IQCH: variants seen among roughly 807,000 people sequenced by gnomAD.
IQCH encodes IQ motif containing H, also known as IQ domain-containing protein H.
A neutral mutation model predicts 117.0 loss-of-function variants in IQCH; 98 were observed. The ratio of observed to expected loss-of-function variants is 0.84; its 90% CI spans 0.71 to 0.99. The LOEUF (loss-of-function observed/expected upper bound fraction) is 0.99. Among genes scored for constraint, IQCH ranks in the 50% least tolerant of loss-of-function variants. The pLI, the probability that IQCH is intolerant of heterozygous loss-of-function variation, is 0.00. For missense variants in IQCH, 1,102 were observed against 1,243.8 expected (o/e 0.89, Z 1.72); for synonymous variants, 412 against 448.2 (o/e 0.92, Z 1.02).
rs1015042447 is a variant in IQCH, at chr15:67,457,123, CAGGTGGCAACA to C, written c.2506-8001_2506-7991del. On this transcript the variant is annotated intron_variant, in intron 16 of 20. Transcript: ENST00000335894. The surrounding 1 kb of genome is among the most constrained non-coding windows in gnomAD (Gnocchi z 5.7). ...ACTGGGCTATCCCAACAGCTGCCAC[CAGGTGGCAACA>C]AGCCAAGCGGCTGCTCTCCCCTCTG... 6.6e-6 allele frequency among the ~76,000 whole-genome samples: 1 copy of C among 152,208 alleles called. No individual in the cohort carries two copies. The highest frequency in any genetic ancestry group is 2.4e-5 in the African/African-American group (1 of 41,460).
At chr15:67,497,638 C>A (rs2083858235) in intron 20 of IQCH, among the ~76,000 whole-genome samples, 1 of 152,036 alleles carries the variant, frequency 6.6e-6, no homozygotes, top group Non-Finnish European at 1.5e-5. Flanking sequence ...GGATTACAAG[C>A]ACGCACCACC....
intron 4 of IQCH, among the ~76,000 whole-genome samples, chr15:67,316,272 A>T (rs1967841836): frequency 6.6e-6 from 1 of 152,206 alleles, no homozygotes. Context: ...GAGCAGTAGC[A>T]TTGTCTTCTC....
At chr15:67,423,262 A>G (rs949626687) in intron 16 of IQCH, among the ~76,000 whole-genome samples, 3 of 152,118 alleles carry the variant, frequency 2.0e-5, no homozygotes, top group Non-Finnish European at 4.4e-5. Context: ...GCCCTCCCCA[A>G]GTATTTGTTG....
chr15:67,484,913 T>C (rs1228652746), intron 18 of IQCH, among the ~76,000 whole-genome samples: 1 of 151,036 alleles, frequency 6.6e-6, no homozygotes, highest in Non-Finnish European at 1.5e-5. Flanking sequence ...TAAAAAAAGG[T>C]ATACTAAAAG....
At chr15:67,319,249 A>G (rs1967998947) in intron 4 of IQCH, among the ~76,000 whole-genome samples, 1 of 152,142 alleles carries the variant, frequency 6.6e-6, no homozygotes, top group African/African-American at 2.4e-5. Flanking sequence ...AAAGAGAGAA[A>G]GAAATCCTTA....
At chr15:67,345,837 A>G (rs1567114206) in intron 6 of IQCH, among the ~76,000 whole-genome samples, 1 of 152,198 alleles carries the variant, frequency 6.6e-6, no homozygotes, top group Non-Finnish European at 1.5e-5. Context: ...ATAATAATGT[A>G]TCAATGATGG....
chr15:67,423,906 G>A (rs192089575), intron 16 of IQCH, among the ~76,000 whole-genome samples: 2 of 151,850 alleles, frequency 1.3e-5, no homozygotes, highest in East Asian at 3.9e-4. Context: ...GAAAGAGAAA[G>A]GTAAAACTGT....
intron 1 of IQCH, among the ~76,000 whole-genome samples, chr15:67,259,603 G>A (rs1419181740): frequency 1.3e-5 from 2 of 152,118 alleles, no homozygotes; most frequent in Non-Finnish European, 2.9e-5. Context: ...CAAACCTTTG[G>A]TACAGTTTTT....
chr15:67,496,037 C>G lies in IQCH; in HGVS notation c.2970+1671C>G, dbSNP rs991186110. ...AAATAAAAATGGAAGGTGATTGAGG[C>G]TGGGCACAATGGCTCATGCCTGTAA... On this transcript the variant is annotated intron_variant, in intron 20 of 20. Transcript: ENST00000335894. This position sits in a 1 kb window ranked among gnomAD's most constrained non-coding sequence, Gnocchi z 4.4. Among the ~76,000 whole-genome samples the G allele has an allele frequency of 1.3e-5, 2 of 152,228 alleles. No individual in the cohort carries two copies. Among genetic ancestry groups the G allele is most frequent in the Admixed American group, 1.3e-4 (2 of 15,282 alleles).
chr15:67,387,591 G>A lies in IQCH; in HGVS notation c.1457-1240G>A, dbSNP rs1386527326. On this transcript the variant is annotated intron_variant, in intron 11 of 20. Transcript: ENST00000335894. The surrounding 1 kb of genome is among the most constrained non-coding windows in gnomAD (Gnocchi z 4.8). ...TGCACTGATCAAAAGGAATGTAGGT[G>A]TGGGGGCAGCTGGGGAATCACTGTT... Among the ~76,000 whole-genome samples, 1 of 152,246 alleles carries A rather than the reference G, an allele frequency of 6.6e-6. No homozygotes were observed. Among genetic ancestry groups the A allele is most frequent in the South Asian group, 2.1e-4 (1 of 4,812 alleles).
At chr15:67,258,390 G>A (rs1181524854) in intron 1 of IQCH, among the ~76,000 whole-genome samples, 1 of 151,872 alleles carries the variant, frequency 6.6e-6, no homozygotes, top group Non-Finnish European at 1.5e-5. Flanking sequence ...AATTAGCCGA[G>A]CGTGGTGGCA....
chr15:67,442,280 C>A (rs1046440266), intron 16 of IQCH, among the ~76,000 whole-genome samples: 4 of 151,792 alleles, frequency 2.6e-5, no homozygotes, highest in Non-Finnish European at 5.9e-5. Context: ...CATGGTGGTG[C>A]GTGCCTGTAA....
At chr15:67,294,824 A>G (rs1413053904) in intron 4 of IQCH, among the ~76,000 whole-genome samples, 1 of 152,204 alleles carries the variant, frequency 6.6e-6, no homozygotes, top group Non-Finnish European at 1.5e-5. Flanking sequence ...GTGGTTCAGC[A>G]CCATGGTCTC....
In IQCH at chr15:67,336,967, T is replaced by G. The variant is rs778150915; in HGVS notation, c.388-8T>G. On this transcript the variant is annotated splice_polypyrimidine_tract_variant and splice_region_variant and intron_variant, in intron 4 of 20. Coordinates refer to ENST00000335894, the MANE Select transcript of IQCH (RefSeq NM_001031715.3). Reference sequence around the variant, plus strand: ...AATGTTTGCTGAAACAAATTTTTTATTATCTAGATAAAGGTTTCGAAGTTA... The same window carrying G: ...AATGTTTGCTGAAACAAATTTTTTAGTATCTAGATAAAGGTTTCGAAGTTA... The G allele has an allele frequency of 6.2e-7, 1 of 1,611,892 alleles. No homozygotes were observed.
rs1277385757 is a variant in IQCH, at chr15:67,386,333, C to G, written c.1456+1314C>G. Among the ~76,000 whole-genome samples the G allele has an allele frequency of 6.6e-6, 1 of 152,050 alleles. No individual in the cohort carries two copies. On this transcript the variant is annotated intron_variant, in intron 11 of 20. Coordinates refer to ENST00000335894, the MANE Select transcript of IQCH (RefSeq NM_001031715.3). The surrounding 1 kb of genome is among the most constrained non-coding windows in gnomAD (Gnocchi z 5.0). ...AGTATTAGGCTTCTATTTTAAACAA[C>G]TCAATAATTCAGTCTGTCTCTACCT... is the stretch of plus-strand genomic sequence containing the variant.
rs1234606747 is a variant in IQCH at position 67,404,219 on chromosome 15, C to CT, written c.2097+3915dup. The CT allele has an allele frequency of 2.0e-5, 3 of 152,242 alleles. No homozygotes were observed. Among genetic ancestry groups the CT allele is most frequent in the Non-Finnish European group, 2.9e-5 (2 of 68,014 alleles). The allele number at this position is 152,242 out of a possible 1,614,324, so 9.4% of individuals were successfully genotyped here. A position where few individuals can be genotyped will look rare whatever the true frequency, so the allele number is the denominator to read the frequency against. On this transcript the variant is annotated intron_variant, in intron 14 of 20. Transcript: ENST00000335894. The surrounding 1 kb of genome is among the most constrained non-coding windows in gnomAD (Gnocchi z 4.6). ...CACAAAGGTAGGAGAAGAACTATGC[C>CT]TGGAAAAGGTAGAATAAACCACAGT...
At chr15:67,292,286 T>C (rs1211517336) in intron 4 of IQCH, among the ~76,000 whole-genome samples, 1 of 152,186 alleles carries the variant, frequency 6.6e-6, no homozygotes, top group Non-Finnish European at 1.5e-5. Context: ...GGTATTGCTC[T>C]GTTGCCCTGG....
chr15:67,318,179 G>A (rs1651498051), intron 4 of IQCH, among the ~76,000 whole-genome samples: 1 of 151,980 alleles, frequency 6.6e-6, no homozygotes, highest in Non-Finnish European at 1.5e-5. Context: ...TTCCATGTTT[G>A]GATGTATGAT....
intron 8 of IQCH, among the ~76,000 whole-genome samples, chr15:67,363,404 T>A (rs1970219868): frequency 7.0e-6 from 1 of 142,600 alleles, no homozygotes; most frequent in East Asian, 2.1e-4. Flanking sequence ...CCCAGCTAAA[T>A]TTTTTTTTTT....
Sources: allele counts gnomAD v4.1 joint callset (sites outside exome capture counted in the v4.1 genomes callset), GRCh38; gene constraint gnomAD v4.1.1; non-coding constraint Gnocchi (gnomAD v3.1); transcripts MANE v1.5; gene names NCBI Gene and HGNC (gene_info 2026-07-23, HGNC 2026-07-21).